The following RCOR1 variants were observed in gnomAD, a reference collection of about 807,000 sequenced individuals.
RCOR1 encodes REST corepressor.
RCOR1 carries 12 observed loss-of-function variants against 64.0 expected under a neutral mutation model. That is an observed-to-expected ratio of 0.19 (90% CI 0.12 to 0.30). The LOEUF is 0.30. RCOR1 is among the 10% of genes least tolerant of loss of function. The pLI is 1.00. For missense variants in RCOR1, 502 were observed against 621.2 expected (o/e 0.81, Z 2.04); for synonymous variants, 279 against 227.2 (o/e 1.23, Z -2.05).
At chr14:102,673,007 C>G (rs1200025342) in intron 2 of RCOR1, among the ~76,000 whole-genome samples, 1 of 152,128 alleles carries the variant, frequency 6.6e-6, no homozygotes, top group Non-Finnish European at 1.5e-5. Context: ...AAGGGTTTCT[C>G]ACAATGTACA....
intron 2 of RCOR1, among the ~76,000 whole-genome samples, chr14:102,629,185 AGC>A (rs1489725694): frequency 2.0e-5 from 3 of 152,054 alleles, no homozygotes; most frequent in Non-Finnish European, 4.4e-5. Context: ...CCATCCACAT[AGC>A]CCATGGCCTT....
At chr14:102,709,733 T>C (rs144439338) in intron 6 of RCOR1, among the ~76,000 whole-genome samples, 281 of 152,362 alleles carry the variant, frequency 1.8e-3, no homozygotes, top group South Asian at 7.0e-3. Flanking sequence ...AGTACTCTTA[T>C]TAACTTTTAA....
intron 2 of RCOR1, among the ~76,000 whole-genome samples, chr14:102,659,753 A>G (rs990505103): frequency 3.3e-5 from 5 of 152,170 alleles, no homozygotes; most frequent in Admixed American, 6.6e-5. Context: ...GCTGCCATTT[A>G]TATAATAAAT....
intron 2 of RCOR1, chr14:102,649,647 C>A (rs1252135035): frequency 8.6e-6 from 2 of 233,210 alleles, no homozygotes; most frequent in Non-Finnish European, 1.4e-5. Context: ...GTGTTTAACA[C>A]CTGCAGCAGT....
intron 2 of RCOR1, among the ~76,000 whole-genome samples, chr14:102,651,976 A>G (rs1894601441): frequency 6.6e-6 from 1 of 152,218 alleles, no homozygotes. Flanking sequence ...CTTACACTGG[A>G]GGATCTTTAT....
Position 102,730,343 on chromosome 14 carries a change from C to G in RCOR1, c.*3837C>G. ...TTAAAGAAAATATGTTGTAATAATG[C>G]TGTTGTAAGTAATATTTTAATGTCT... On this transcript the variant is annotated 3_prime_UTR_variant, in exon 12 of 12. Transcript: ENST00000262241. 4.4e-6 allele frequency: 1 copy of G among 224,852 alleles called. No homozygotes were observed. 13.9% of individuals were successfully genotyped at this position (224,852 alleles called of 1,614,324 possible). A position where few individuals can be genotyped will look rare whatever the true frequency, so the allele number is the denominator to read the frequency against.
intron 2 of RCOR1, among the ~76,000 whole-genome samples, chr14:102,674,020 T>G (rs748473975): frequency 6.6e-6 from 1 of 152,266 alleles, no homozygotes; most frequent in Non-Finnish European, 1.5e-5. Context: ...TAAACAGAAC[T>G]ACTAGAATAT....
At chr14:102,705,165 A>C (rs1208417638) in intron 4 of RCOR1, among the ~76,000 whole-genome samples, 1 of 152,076 alleles carries the variant, frequency 6.6e-6, no homozygotes, top group Non-Finnish European at 1.5e-5. Context: ...GCCATTCCTC[A>C]CACCAATATG....
At chr14:102,629,182 C>G (rs1290695716) in intron 2 of RCOR1, among the ~76,000 whole-genome samples, 1 of 152,198 alleles carries the variant, frequency 6.6e-6, no homozygotes, top group Non-Finnish European at 1.5e-5. Context: ...TCCCCATCCA[C>G]ATAGCCCATG....
At chr14:102,640,390 G>T (rs1894342354) in intron 2 of RCOR1, among the ~76,000 whole-genome samples, 2 of 152,138 alleles carry the variant, frequency 1.3e-5, no homozygotes, top group Non-Finnish European at 2.9e-5. Flanking sequence ...AACGAGATGT[G>T]AACACTTGAT....
At position 102,664,307 on chromosome 14, in the gene RCOR1, T is replaced by G. The variant is rs904448209; in HGVS notation, c.362-17588T>G. On this transcript the variant is annotated intron_variant, in intron 2 of 11. Coordinates refer to ENST00000262241, the MANE Select transcript of RCOR1 (RefSeq NM_015156.4). ...TTTTTGCATTTTTAGTAGAGCCAGG[T>G]TTTCACCATGTTGTCCAGGCTGTTC... Among the ~76,000 whole-genome samples the G allele has an allele frequency of 2.6e-5, 4 of 151,790 alleles. No individual in the cohort carries two copies. The East Asian group carries it at 7.7e-4, about 29-fold the overall frequency.
intron 3 of RCOR1, among the ~76,000 whole-genome samples, chr14:102,686,147 C>T (rs1046537744): frequency 6.6e-6 from 1 of 152,118 alleles, no homozygotes; most frequent in Non-Finnish European, 1.5e-5. Context: ...GTTGTCCATG[C>T]TGGAGCTCAG....
At chr14:102,690,526 GGCT>G (rs1205725297) in intron 3 of RCOR1, among the ~76,000 whole-genome samples, 1 of 152,122 alleles carries the variant, frequency 6.6e-6, no homozygotes, top group African/African-American at 2.4e-5. Flanking sequence ...AGGAGGTCCA[GGCT>G]GCAGTGAGCT....
At chr14:102,643,877 T>C (rs1251316011) in intron 2 of RCOR1, among the ~76,000 whole-genome samples, 1 of 152,196 alleles carries the variant, frequency 6.6e-6, no homozygotes, top group Non-Finnish European at 1.5e-5. Flanking sequence ...CTCCAGCAAA[T>C]TAGAAGGTTC....
At chr14:102,725,141 G>A (rs1896235524) in intron 11 of RCOR1, among the ~76,000 whole-genome samples, 1 of 152,182 alleles carries the variant, frequency 6.6e-6, no homozygotes, top group African/African-American at 2.4e-5. Context: ...AGGATGCCAT[G>A]GATTGGACAG....
intron 2 of RCOR1, among the ~76,000 whole-genome samples, chr14:102,598,642 G>T (rs1034259256): frequency 1.3e-5 from 2 of 151,690 alleles, no homozygotes; most frequent in African/African-American, 4.8e-5. Context: ...TAGAGACGGG[G>T]TTCCACCATG....
Position 102,692,768 on chromosome 14 carries a change from CTTTTTTT to C in RCOR1, c.446-8499_446-8493del, listed in dbSNP as rs538053987. Reference sequence around the variant, plus strand: ...TCCTTCCTTCCTTCTTTTTCTTTTTCTTTTTTTTTTTTTTTTTGAGACAGTCTTGCTC... The same window carrying C: ...TCCTTCCTTCCTTCTTTTTCTTTTTCTTTTTTTTTTGAGACAGTCTTGCTC... On this transcript the variant is annotated intron_variant, in intron 3 of 11. Transcript: ENST00000262241. 1.1e-4 allele frequency among the ~76,000 whole-genome samples: 12 copies of C among 111,902 alleles called. 1 individual carries two copies. The highest frequency in any genetic ancestry group is 2.8e-4 in the Admixed American group (3 of 10,666). The allele number at this position is 111,902 out of a possible 152,430, so 73.4% of individuals were successfully genotyped here.
At chr14:102,664,142 C>T (rs1894873664) in intron 2 of RCOR1, among the ~76,000 whole-genome samples, 1 of 152,122 alleles carries the variant, frequency 6.6e-6, no homozygotes, top group African/African-American at 2.4e-5. Context: ...CAGTCTCACT[C>T]CGTCACCCGC....
chr14:102,643,229 A>T (rs1240847852), intron 2 of RCOR1: 1 of 357,170 alleles, frequency 2.8e-6, no homozygotes, highest in African/African-American at 2.2e-5. Context: ...TTGCACAGTG[A>T]GCCCAGATCA....
Sources: gnomAD v4.1 joint callset for allele counts (sites outside exome capture counted in the v4.1 genomes callset) on GRCh38, gnomAD v4.1.1 for gene constraint, MANE v1.5 for transcripts, NCBI Gene and HGNC (gene_info 2026-07-23, HGNC 2026-07-21) for gene names.